The following IGFL4 variants were observed in gnomAD, a reference collection of about 807,000 sequenced individuals.
The protein encoded by IGFL4 is insulin growth factor-like family member 4.
Under a neutral mutation model 15.4 loss-of-function variants are expected in IGFL4, and 12 were observed. The observed-to-expected ratio is 0.78, with a 90% confidence interval of 0.50 to 1.26. The LOEUF (loss-of-function observed/expected upper bound fraction) is 1.26, where lower values mean the gene tolerates loss of function less well. IGFL4 is among the 50% of genes most tolerant of loss of function. The pLI is 0.00. For synonymous variants in IGFL4, 54 were observed against 55.9 expected, an observed-to-expected ratio of 0.97 and a Z score of 0.16; for missense variants, 126 against 147.8, an observed-to-expected ratio of 0.85 and a Z score of 0.76.
Position 46,040,434 on chromosome 19 carries a change from G to T in IGFL4, c.71-18C>A. 1.9e-6 allele frequency: 3 copies of T among 1,613,666 alleles called. No homozygotes were observed. The highest frequency in any genetic ancestry group is 1.6e-4 in the Middle Eastern group (1 of 6,062). On this transcript the variant is annotated intron_variant, in intron 2 of 3. Transcript: ENST00000377697. This position sits in a 1 kb window ranked among gnomAD's most constrained non-coding sequence, Gnocchi z 4.1. ...TCTAAGATCTGGAAGAGTCGGGGCT[G>T]GATGGGCTGCAAGGACCAGCCTAGG... is the stretch of plus-strand genomic sequence containing the variant.
intron 2 of IGFL4, among the ~76,000 whole-genome samples, chr19:46,049,216 T>A (rs1031010523): frequency 6.6e-6 from 1 of 152,160 alleles, no homozygotes; most frequent in Non-Finnish European, 1.5e-5. Context: ...CATCATGAAA[T>A]TTTTCTCCAA....
At chr19:46,075,408 A>G (rs1969586247) in intron 1 of IGFL4, among the ~76,000 whole-genome samples, 1 of 152,148 alleles carries the variant, frequency 6.6e-6, no homozygotes, top group East Asian at 1.9e-4. Context: ...CTTCACAGTT[A>G]TGAGCAGTAC....
upstream of IGFL4, chr19:46,041,177 G>C: frequency 1.9e-6 from 1 of 532,648 alleles, no homozygotes; most frequent in Non-Finnish European, 3.3e-6. Context: ...CCAAGTGGTT[G>C]CTGCCTCCTC....
chr19:46,076,702 ATTAT>A (rs1187387224), intron 1 of IGFL4, among the ~76,000 whole-genome samples: 1 of 143,946 alleles, frequency 6.9e-6, no homozygotes, highest in Non-Finnish European at 1.5e-5. Flanking sequence ...ATATAAATAC[ATTAT>A]TTATAATAAA....
At chr19:46,067,757 TCTCTGGGACCCAC>T (rs1363649517) in intron 1 of IGFL4, among the ~76,000 whole-genome samples, 6 of 152,070 alleles carry the variant, frequency 3.9e-5, no homozygotes, top group Non-Finnish European at 8.8e-5. Context: ...GGTTTGTTTC[TCTCTGGGACCCAC>T]ATCTGATCTA....
At chr19:46,057,456 A>G (rs1416937459) in intron 2 of IGFL4, among the ~76,000 whole-genome samples, 1 of 152,218 alleles carries the variant, frequency 6.6e-6, no homozygotes, top group East Asian at 1.9e-4. Flanking sequence ...CCCATAAATC[A>G]GCCGTGCTAA....
chr19:46,046,287 C>T (rs555441535), intron 2 of IGFL4, among the ~76,000 whole-genome samples: 69 of 152,248 alleles, frequency 4.5e-4, no homozygotes, highest in African/African-American at 1.6e-3. Flanking sequence ...AAAACCTTTA[C>T]CAGCCACTAC....
At chr19:46,067,472 C>T (rs935615169) in intron 1 of IGFL4, among the ~76,000 whole-genome samples, 3 of 152,146 alleles carry the variant, frequency 2.0e-5, no homozygotes, top group Non-Finnish European at 4.4e-5. Flanking sequence ...CCCCGATGAG[C>T]CTGATCCCAG....
chr19:46,063,880 C>A (rs1969469813), intron 1 of IGFL4, among the ~76,000 whole-genome samples: 3 of 152,090 alleles, frequency 2.0e-5, no homozygotes, highest in Non-Finnish European at 4.4e-5. Context: ...AAGTGATTCT[C>A]CTTAAATGAG....
intron 1 of IGFL4, among the ~76,000 whole-genome samples, chr19:46,062,117 T>G (rs1315938372): frequency 6.6e-6 from 1 of 152,190 alleles, no homozygotes. Context: ...TGCTAGAGCT[T>G]GAAAAAGCTG....
Position 46,063,648 on chromosome 19 carries a change from T to C in IGFL4, c.-431-3355A>G, listed in dbSNP as rs1301610914. Among the ~76,000 whole-genome samples, 3 of 152,334 alleles carry C rather than the reference T, an allele frequency of 2.0e-5. No homozygotes were observed. The East Asian group carries it at 5.8e-4, about 29-fold the overall frequency. On this transcript the variant is annotated intron_variant, in intron 1 of 5. Transcript: ENST00000601672. ...CGCAGAGGAGATGCTCCATATTTAT[T>C]GACTTCAACATCAATAGCCAAATTG...
chr19:46,073,384 T>C (rs1397024900), intron 1 of IGFL4, among the ~76,000 whole-genome samples: 1 of 152,158 alleles, frequency 6.6e-6, no homozygotes, highest in East Asian at 1.9e-4. Context: ...ATTATGTAAC[T>C]GGAGCTCCCT....
chr19:46,043,686 G>A (rs184227356), upstream of IGFL4, among the ~76,000 whole-genome samples: 1 of 152,226 alleles, frequency 6.6e-6, no homozygotes, highest in East Asian at 1.9e-4. Flanking sequence ...GCAATTCAAT[G>A]TGGGAAAAGA....
intron 2 of IGFL4, among the ~76,000 whole-genome samples, chr19:46,056,243 A>G (rs555832278): frequency 6.6e-6 from 1 of 152,362 alleles, no homozygotes; most frequent in African/African-American, 2.4e-5. Flanking sequence ...ATTAAATAAC[A>G]TGAAAAATTC....
intron 2 of IGFL4, among the ~76,000 whole-genome samples, chr19:46,055,010 T>G (rs1424620959): frequency 6.6e-6 from 1 of 152,142 alleles, no homozygotes; most frequent in Non-Finnish European, 1.5e-5. Context: ...CTTGGACATC[T>G]TTGGTGTCTT....
intron 1 of IGFL4, among the ~76,000 whole-genome samples, chr19:46,063,504 C>A (rs970127962): frequency 1.3e-5 from 2 of 152,168 alleles, no homozygotes; most frequent in African/African-American, 2.4e-5. Flanking sequence ...TCTTTACTTT[C>A]CCTACATGCA....
chr19:46,062,464 T>C (rs1302232759), intron 1 of IGFL4, among the ~76,000 whole-genome samples: 1 of 152,214 alleles, frequency 6.6e-6, no homozygotes, highest in African/African-American at 2.4e-5. Context: ...ATTTTGAGCT[T>C]GCACAGGCTT....
chr19:46,049,060 A>G (rs1335682395), intron 2 of IGFL4, among the ~76,000 whole-genome samples: 1 of 152,230 alleles, frequency 6.6e-6, no homozygotes. Flanking sequence ...TGGTACTGGT[A>G]TAAGAACAGA....
chr19:46,047,486 GT>G (rs542305255), intron 2 of IGFL4, among the ~76,000 whole-genome samples: 2 of 151,988 alleles, frequency 1.3e-5, no homozygotes, highest in Non-Finnish European at 2.9e-5. Context: ...TCCAGGAGCT[GT>G]TTTTTTGAAA....
Sources: gnomAD v4.1 joint callset for allele counts (sites outside exome capture counted in the v4.1 genomes callset) on GRCh38, gnomAD v4.1.1 for gene constraint, Gnocchi (gnomAD v3.1) non-coding constraint, MANE v1.5 for transcripts, NCBI Gene and HGNC (gene_info 2026-07-23, HGNC 2026-07-21) for gene names.